NEGR1: variants seen among roughly 807,000 people sequenced by gnomAD.
The protein encoded by NEGR1 is IgLON family member 4.
Under a neutral mutation model 40.9 loss-of-function variants are expected in NEGR1, and 10 were observed. The observed-to-expected ratio is 0.24, with a 90% confidence interval of 0.15 to 0.42. The LOEUF is 0.42. NEGR1 is among the 10% of genes least tolerant of loss of function. NEGR1 has a pLI of 1.00. For synonymous variants in NEGR1, 185 were observed against 166.8 expected, an observed-to-expected ratio of 1.11 and a Z score of -0.84; for missense variants, 352 against 438.9, an observed-to-expected ratio of 0.80 and a Z score of 1.77.
intron 6 of NEGR1, among the ~76,000 whole-genome samples, chr1:71,427,609 T>G (rs1646436761): frequency 6.6e-6 from 1 of 152,224 alleles, no homozygotes; most frequent in African/African-American, 2.4e-5. Context: ...TAGTATTTCC[T>G]GCACCTTTAA....
At chr1:71,535,495 G>A (rs934485072) in intron 6 of NEGR1, among the ~76,000 whole-genome samples, 2 of 151,732 alleles carry the variant, frequency 1.3e-5, no homozygotes, top group Admixed American at 6.6e-5. Context: ...AAAAAATTAT[G>A]TTGCGTGCAG....
intron 1 of NEGR1, among the ~76,000 whole-genome samples, chr1:72,238,907 A>G (rs189915398): frequency 4.3e-4 from 66 of 151,996 alleles, no homozygotes; most frequent in African/African-American, 1.5e-3. Context: ...GCCTCATACC[A>G]GGGAACCGGG....
chr1:71,872,607 T>G (rs183991287), intron 2 of NEGR1, among the ~76,000 whole-genome samples: 1 of 152,154 alleles, frequency 6.6e-6, no homozygotes, highest in South Asian at 2.1e-4. Flanking sequence ...ATTCACCACG[T>G]TGGACATGCA....
At chr1:71,604,719 G>T (rs989933296) in intron 5 of NEGR1, among the ~76,000 whole-genome samples, 4 of 152,100 alleles carry the variant, frequency 2.6e-5, no homozygotes, top group African/African-American at 9.7e-5. Context: ...ATTTTCCTAT[G>T]CATTCATTCG....
chr1:71,884,894 T>A (rs1570466264), intron 2 of NEGR1, among the ~76,000 whole-genome samples: 1 of 152,324 alleles, frequency 6.6e-6, no homozygotes, highest in Non-Finnish European at 1.5e-5. Flanking sequence ...ATATATTTTT[T>A]CTAGGTGTAT....
intron 1 of NEGR1, among the ~76,000 whole-genome samples, chr1:72,181,604 C>T (rs746790255): frequency 6.6e-6 from 1 of 152,114 alleles, no homozygotes; most frequent in Non-Finnish European, 1.5e-5. Context: ...ATCACCATCT[C>T]ATAAAGATAA....
intron 1 of NEGR1, among the ~76,000 whole-genome samples, chr1:72,008,305 C>G (rs1461038308): frequency 1.3e-5 from 2 of 152,054 alleles, no homozygotes; most frequent in African/African-American, 4.8e-5. Flanking sequence ...ACATCTAACT[C>G]CCATGGTGCT....
chr1:71,729,327 C>T (rs147255154), intron 3 of NEGR1, among the ~76,000 whole-genome samples: 148 of 152,254 alleles, frequency 9.7e-4, no homozygotes, highest in Middle Eastern at 3.4e-3. Context: ...ATTCCCAATC[C>T]ACTTTACCAG....
intron 1 of NEGR1, among the ~76,000 whole-genome samples, chr1:72,088,496 G>C (rs78481926): frequency 6.6e-6 from 1 of 152,028 alleles, no homozygotes; most frequent in African/African-American, 2.4e-5. Context: ...TATACAATAG[G>C]AAAGAAAATG....
At chr1:71,980,444 T>G (rs1419835678) in intron 1 of NEGR1, among the ~76,000 whole-genome samples, 1 of 152,076 alleles carries the variant, frequency 6.6e-6, no homozygotes, top group Non-Finnish European at 1.5e-5. Flanking sequence ...ATTCCAGGAG[T>G]GTTATGCCAC....
chr1:71,796,551 C>T (rs1460310117), intron 2 of NEGR1, among the ~76,000 whole-genome samples: 3 of 152,098 alleles, frequency 2.0e-5, no homozygotes, highest in Admixed American at 2.0e-4. Flanking sequence ...CCTGTGGTGA[C>T]CAAGGTTTTT....
chr1:72,213,902 G>T (rs1653699940), intron 1 of NEGR1, among the ~76,000 whole-genome samples: 1 of 152,068 alleles, frequency 6.6e-6, no homozygotes, highest in East Asian at 1.9e-4. Flanking sequence ...TCCTGGCAGA[G>T]ACACAACAAA....
chr1:71,914,727 A>G (rs553119229), intron 2 of NEGR1, among the ~76,000 whole-genome samples: 5 of 152,120 alleles, frequency 3.3e-5, no homozygotes, highest in African/African-American at 4.8e-5. Flanking sequence ...TGATGGGAGG[A>G]TTGAGAGCTA....
intron 1 of NEGR1, among the ~76,000 whole-genome samples, chr1:72,207,923 T>G (rs189953371): frequency 2.4e-4 from 37 of 151,814 alleles, no homozygotes; most frequent in African/African-American, 8.4e-4. Flanking sequence ...TCATAAAAAT[T>G]TTTCAATAAT....
intron 6 of NEGR1, among the ~76,000 whole-genome samples, chr1:71,424,960 A>G (rs1271199588): frequency 5.3e-5 from 8 of 152,220 alleles, no homozygotes; most frequent in Non-Finnish European, 1.0e-4. Flanking sequence ...TATAGACCTG[A>G]AAGTAAATTT....
At chr1:71,626,570 G>C (rs1029619602) in intron 4 of NEGR1, among the ~76,000 whole-genome samples, 5 of 151,850 alleles carry the variant, frequency 3.3e-5, no homozygotes, top group African/African-American at 1.2e-4. Flanking sequence ...ATTCCATGCT[G>C]TATAGGCATG....
intron 4 of NEGR1, among the ~76,000 whole-genome samples, chr1:71,651,813 C>T (rs1482353041): frequency 6.6e-6 from 1 of 152,108 alleles, no homozygotes; most frequent in Non-Finnish European, 1.5e-5. Context: ...TGCCAAGTAC[C>T]TCACTAAGTA....
At chr1:71,792,457 C>T (rs1399968686) in intron 2 of NEGR1, among the ~76,000 whole-genome samples, 3 of 152,130 alleles carry the variant, frequency 2.0e-5, no homozygotes, top group African/African-American at 4.8e-5. Flanking sequence ...GCTAAACCCA[C>T]ACACTTTCTT....
rs532813879 is a variant in NEGR1 at position 71,628,243 on chromosome 1, A to C, written c.668-17097T>G. On this transcript the variant is annotated intron_variant, in intron 4 of 6. Coordinates refer to ENST00000357731, the MANE Select transcript of NEGR1 (RefSeq NM_173808.3). ...AGAAGCTCAAGATTTTAGTGGAATT[A>C]TGAACTGGTCAATACTATGTCATAA... Among the ~76,000 whole-genome samples, 5 of 152,168 alleles carry C rather than the reference A, an allele frequency of 3.3e-5. No homozygotes were observed. The South Asian group carries it at 1.0e-3, about 31-fold the overall frequency.
Sources: gnomAD v4.1 joint callset for allele counts (sites outside exome capture counted in the v4.1 genomes callset) on GRCh38, gnomAD v4.1.1 for gene constraint, MANE v1.5 for transcripts, NCBI Gene and HGNC (gene_info 2026-07-23, HGNC 2026-07-21) for gene names.